OSBPL3: variants seen among roughly 807,000 people sequenced by gnomAD.
OSBPL3 encodes the protein oxysterol binding protein like 3.
OSBPL3 carries 65 observed loss-of-function variants against 120.1 expected under a neutral mutation model. The ratio of observed to expected loss-of-function variants is 0.54; its 90% confidence interval spans 0.44 to 0.67. The LOEUF is 0.67. Ranked by LOEUF, OSBPL3 falls within the 30% of genes least tolerant of loss-of-function variation. The pLI, the probability that OSBPL3 is intolerant of heterozygous loss-of-function variation, is 0.00. For missense variants in OSBPL3, 1,004 were observed against 1,082.1 expected (o/e 0.93, Z 1.01); for synonymous variants, 416 against 402.6 (o/e 1.03, Z -0.40).
intron 13 of OSBPL3, among the ~76,000 whole-genome samples, chr7:24,841,717 A>AAAAAAAAAAAAAAG (rs70942886): frequency 0.024 from 2,018 of 82,722 alleles, 395 homozygotes; most frequent in Non-Finnish European, 0.034. Context: ...AAAAAAAAAA[A>AAAAAAAAAAAAAAG]AAAAGAGGCC....
In OSBPL3 at chr7:24,936,239, G is replaced by A. The variant is rs1487605756; in HGVS notation, c.-149-43618C>T. ...TGAGTGAGTAAGTAAGAACATATGC[G>A]AATATTTCAAAGGAAGCTGAGACAG... is the stretch of plus-strand genomic sequence containing the variant. On this transcript the variant is annotated intron_variant, in intron 1 of 22. Coordinates refer to ENST00000313367, the MANE Select transcript of OSBPL3 (RefSeq NM_015550.4). This position sits in a 1 kb window ranked among gnomAD's most constrained non-coding sequence, Gnocchi z 4.2. Among the ~76,000 whole-genome samples, 1 of 152,088 alleles carries A rather than the reference G, an allele frequency of 6.6e-6. No individual in the cohort carries two copies. The highest frequency in any genetic ancestry group is 1.9e-4 in the East Asian group (1 of 5,192).
rs141300130 is a variant in OSBPL3, at chr7:24,806,439, AT to A, written c.2444+336del. ...AGTTAGATCTCAGTGCACCAAAATC[AT>A]TTAAATTTGAGGGCTCGGGGAGCTG... is the stretch of plus-strand genomic sequence containing the variant. On this transcript the variant is annotated intron_variant, in intron 21 of 22. Coordinates refer to ENST00000313367, the MANE Select transcript of OSBPL3 (RefSeq NM_015550.4). The surrounding 1 kb of genome is among the most constrained non-coding windows in gnomAD (Gnocchi z 5.2). Among the ~76,000 whole-genome samples, 1,183 of 152,320 alleles carry A rather than the reference AT, an allele frequency of 7.8e-3. 22 individuals are homozygous for A. The highest frequency in any genetic ancestry group is 0.027 in the African/African-American group (1,116 of 41,562).
chr7:24,928,263 C>G (rs1292555880), intron 1 of OSBPL3, among the ~76,000 whole-genome samples: 1 of 150,222 alleles, frequency 6.7e-6, no homozygotes, highest in African/African-American at 2.5e-5. Flanking sequence ...ACGATCTCAG[C>G]TCACTGCAAA....
At position 24,813,581 on chromosome 7, in the gene OSBPL3, T is replaced by C. The variant is rs1016589681; in HGVS notation, c.2172+1478A>G. ...TTATTTTGTCCCACATGTAAGGTCA[T>C]TATGGGCTTTATGTCTGTCTATAAT... is the stretch of plus-strand genomic sequence containing the variant. On this transcript the variant is annotated intron_variant, in intron 19 of 22. Coordinates refer to ENST00000313367, the MANE Select transcript of OSBPL3 (RefSeq NM_015550.4). This position sits in a 1 kb window ranked among gnomAD's most constrained non-coding sequence, Gnocchi z 4.5. Among the ~76,000 whole-genome samples, 2 of 152,160 alleles carry C rather than the reference T, an allele frequency of 1.3e-5. No homozygotes were observed. The highest frequency in any genetic ancestry group is 6.5e-5 in the Admixed American group (1 of 15,280).
Position 24,863,647 on chromosome 7 carries a change from G to C in OSBPL3, c.674-48C>G, listed in dbSNP as rs368082329. Reference sequence around the variant, plus strand: ...GCTCACAATGCTCCACTAGCAAGAGGGATCACTGTGCTGTCCCCATGCCAG... The same window carrying C: ...GCTCACAATGCTCCACTAGCAAGAGCGATCACTGTGCTGTCCCCATGCCAG... On this transcript the variant is annotated intron_variant, in intron 7 of 22. Transcript: ENST00000313367. The surrounding 1 kb of genome is among the most constrained non-coding windows in gnomAD (Gnocchi z 5.8). 28 of 1,204,358 alleles carry C rather than the reference G, an allele frequency of 2.3e-5. No homozygotes were observed. The South Asian group carries it at 2.8e-4, about 12-fold the overall frequency. The allele number at this position is 1,204,358 out of a possible 1,614,324, so 74.6% of individuals were successfully genotyped here.
intron 16 of OSBPL3, among the ~76,000 whole-genome samples, chr7:24,828,752 C>T (rs1233473310): frequency 1.3e-5 from 2 of 149,256 alleles, no homozygotes; most frequent in Non-Finnish European, 3.0e-5. Flanking sequence ...ATTATCATTC[C>T]TAATTTACAG....
intron 16 of OSBPL3, among the ~76,000 whole-genome samples, chr7:24,825,248 C>G (rs1234866989): frequency 1.3e-5 from 2 of 152,090 alleles, no homozygotes; most frequent in Non-Finnish European, 2.9e-5. Flanking sequence ...AGCTAGGTGA[C>G]CAGCATCACA....
chr7:24,920,446 A>G (rs1015992425), intron 1 of OSBPL3, among the ~76,000 whole-genome samples: 2 of 152,228 alleles, frequency 1.3e-5, no homozygotes. Flanking sequence ...GCAAATCTAT[A>G]GAGACAGAAA....
chr7:24,938,820 TGTGTGTGTGTGTG>T lies in OSBPL3; in HGVS notation c.-150+41053_-150+41065del, dbSNP rs1338886427. ...GTGTGTGTGTGTGTGTGTGTGTGTG[TGTGTGTGTGTGTG>T]TTTTGAGAGCAAAACTAATGTGGCC... On this transcript the variant is annotated intron_variant, in intron 1 of 22. Transcript: ENST00000313367. The surrounding 1 kb of genome is among the most constrained non-coding windows in gnomAD (Gnocchi z 5.8). Among the ~76,000 whole-genome samples, 3 of 150,596 alleles carry T rather than the reference TGTGTGTGTGTGTG, an allele frequency of 2.0e-5. No homozygotes were observed. The highest frequency in any genetic ancestry group is 7.3e-5 in the African/African-American group (3 of 40,880).
chr7:24,954,528 T>G (rs1443905073), intron 1 of OSBPL3, among the ~76,000 whole-genome samples: 1 of 151,680 alleles, frequency 6.6e-6, no homozygotes. Context: ...ACTCTCTCTA[T>G]CCCAACCATG....
rs564609401 is a variant in OSBPL3 at position 24,953,708 on chromosome 7, C to T, written c.-150+26178G>A. Among the ~76,000 whole-genome samples, 70 of 152,244 alleles carry T rather than the reference C, an allele frequency of 4.6e-4. No individual in the cohort carries two copies. The highest frequency in any genetic ancestry group is 1.6e-3 in the African/African-American group (68 of 41,552). ...CCTGGTACAGTAGGTGCCCAGTAAA[C>T]GCTGAACAAATGAATGAAAATAGAA... is the stretch of plus-strand genomic sequence containing the variant. On this transcript the variant is annotated intron_variant, in intron 1 of 22. Coordinates refer to ENST00000313367, the MANE Select transcript of OSBPL3 (RefSeq NM_015550.4). The surrounding 1 kb of genome is among the most constrained non-coding windows in gnomAD (Gnocchi z 4.3).
rs1244983164 is a variant in OSBPL3 at position 24,820,220 on chromosome 7, T to C, written c.1903A>G (p.Ile635Val). Residue 635 changes from isoleucine to valine, a missense_variant, in exon 17 of 23, where the codon ATC becomes GTC. By Grantham distance (29) the Ile-to-Val change is conservative. Around this residue, in one of 4 missense-constraint regions of OSBPL3, gnomAD observed 473 missense variants for 568.0 expected, o/e 0.83. Transcript: ENST00000313367. The surrounding 1 kb of genome is among the most constrained non-coding windows in gnomAD (Gnocchi z 4.6). ...CTAGACTCAGCATGACACGCAGAGA[T>C]AGGCGGATGGTGGCTGACCTGATGG... ...FSEQVSHHPP[I>V]SACHAESRNF... 6.2e-7 allele frequency: 1 copy of C among 1,612,412 alleles called. No individual in the cohort carries two copies.
At chr7:24,925,551 A>G (rs374048260) in intron 1 of OSBPL3, among the ~76,000 whole-genome samples, 3 of 152,360 alleles carry the variant, frequency 2.0e-5, no homozygotes, top group South Asian at 2.1e-4. Context: ...TCTCAAAGGA[A>G]TTCTACAAAG....
Position 24,852,718 on chromosome 7 carries a change from G to A in OSBPL3, c.1028-84C>T. On this transcript the variant is annotated intron_variant, in intron 10 of 22. Transcript: ENST00000313367. The surrounding 1 kb of genome is among the most constrained non-coding windows in gnomAD (Gnocchi z 4.1). Reference sequence around the variant, plus strand: ...AGAAAAAAACATATCTCTTATAAAAGAAACAAGCAAAGTAACAGCCCTGAA... The same window carrying A: ...AGAAAAAAACATATCTCTTATAAAAAAAACAAGCAAAGTAACAGCCCTGAA... 1.1e-6 allele frequency: 1 copy of A among 922,774 alleles called. No homozygotes were observed. Among genetic ancestry groups the A allele is most frequent in the East Asian group, 2.8e-5 (1 of 35,094 alleles). The allele number at this position is 922,774 out of a possible 1,614,324, so 57.2% of individuals were successfully genotyped here. A position where few individuals can be genotyped will look rare whatever the true frequency, so the allele number is the denominator to read the frequency against.
At chr7:24,876,474 T>C (rs1198142263) in intron 2 of OSBPL3, among the ~76,000 whole-genome samples, 1 of 152,114 alleles carries the variant, frequency 6.6e-6, no homozygotes, top group Non-Finnish European at 1.5e-5. Context: ...GGTCTTTTTT[T>C]CCCAAGCTAT....
intron 1 of OSBPL3, among the ~76,000 whole-genome samples, chr7:24,974,303 C>T (rs930553653): frequency 2.6e-5 from 4 of 152,318 alleles, no homozygotes; most frequent in African/African-American, 9.6e-5. Flanking sequence ...AAAACTGTAG[C>T]ATTGCAGCCA....
At chr7:24,858,707 C>T (rs747879261) in intron 10 of OSBPL3, among the ~76,000 whole-genome samples, 3 of 152,172 alleles carry the variant, frequency 2.0e-5, no homozygotes, top group Non-Finnish European at 4.4e-5. Flanking sequence ...CAGGTTTTCA[C>T]AAAGTGGGAA....
chr7:24,948,833 T>C (rs1046431380), intron 1 of OSBPL3, among the ~76,000 whole-genome samples: 2 of 152,200 alleles, frequency 1.3e-5, no homozygotes, highest in African/African-American at 4.8e-5. Flanking sequence ...GGATACAAAG[T>C]ATATGGCTGA....
chr7:24,823,243 TAA>T (rs1321650103), intron 16 of OSBPL3, among the ~76,000 whole-genome samples: 1 of 151,980 alleles, frequency 6.6e-6, no homozygotes, highest in Non-Finnish European at 1.5e-5. Context: ...CTCGGCCAAC[TAA>T]AAAAAGAACA....
Sources: allele counts gnomAD v4.1 joint callset (sites outside exome capture counted in the v4.1 genomes callset), GRCh38; gene constraint gnomAD v4.1.1; regional missense constraint gnomAD v4.1.1; non-coding constraint Gnocchi (gnomAD v3.1); transcripts MANE v1.5; gene names NCBI Gene and HGNC (gene_info 2026-07-23, HGNC 2026-07-21).